The following NFIA variants were observed in gnomAD, a reference collection of about 807,000 sequenced individuals.
The protein encoded by NFIA is nuclear factor 1 A-type.
Under a neutral mutation model 62.8 loss-of-function variants are expected in NFIA, and 8 were observed. The observed-to-expected ratio is 0.13, with a 90% CI of 0.07 to 0.23. The LOEUF is 0.23. Among genes scored for constraint, NFIA ranks in the 10% least tolerant of loss-of-function variants. The pLI, the probability that NFIA is intolerant of heterozygous loss-of-function variation, is 1.00. For missense variants in NFIA, 410 were observed against 642.1 expected, an observed-to-expected ratio of 0.64 and a Z score of 3.91; for synonymous variants, 235 against 238.1, an observed-to-expected ratio of 0.99 and a Z score of 0.12.
At chr1:61,275,128 T>C (rs1379075932) in intron 2 of NFIA, among the ~76,000 whole-genome samples, 2 of 152,202 alleles carry the variant, frequency 1.3e-5, no homozygotes, top group Non-Finnish European at 2.9e-5. Flanking sequence ...GCTGGATGCC[T>C]TCTCCAGTGT....
intron 1 of NFIA, among the ~76,000 whole-genome samples, chr1:61,084,424 T>C (rs1179080766): frequency 7.2e-6 from 1 of 139,388 alleles, no homozygotes; most frequent in Non-Finnish European, 1.5e-5. Flanking sequence ...ACTGTAAAAG[T>C]TTTTTTTTTT....
chr1:61,213,604 C>A (rs1038101180), intron 2 of NFIA, among the ~76,000 whole-genome samples: 3 of 152,136 alleles, frequency 2.0e-5, no homozygotes, highest in African/African-American at 7.2e-5. Flanking sequence ...ACTGTTTTCC[C>A]AGGATAAAAT....
At chr1:61,232,738 T>C (rs1654756151) in intron 2 of NFIA, among the ~76,000 whole-genome samples, 1 of 152,184 alleles carries the variant, frequency 6.6e-6, no homozygotes, top group Admixed American at 6.5e-5. Flanking sequence ...TTTAGTTTAG[T>C]TTTTCCTGCT....
rs529046152 is a variant in NFIA, at chr1:61,103,315, C to T, written c.559+14635C>T. 1.5e-4 allele frequency among the ~76,000 whole-genome samples: 23 copies of T among 152,246 alleles called. 1 individual carries two copies. The East Asian group carries it at 4.2e-3, about 28-fold the overall frequency. On this transcript the variant is annotated intron_variant, in intron 2 of 10. Transcript: ENST00000403491. ...GTCCTACTTGGGATGTCCTCACCCA[C>T]CTTTACTTGGCTAACATTATTTATA... is the stretch of plus-strand genomic sequence containing the variant.
chr1:61,167,872 G>A (rs539328837), intron 2 of NFIA, among the ~76,000 whole-genome samples: 1 of 152,068 alleles, frequency 6.6e-6, no homozygotes, highest in African/African-American at 2.4e-5. Flanking sequence ...GGTATGCCTG[G>A]CAAAACCCCT....
At chr1:61,307,877 G>A (rs1465356872) in intron 3 of NFIA, among the ~76,000 whole-genome samples, 5 of 152,128 alleles carry the variant, frequency 3.3e-5, no homozygotes, top group African/African-American at 9.7e-5. Flanking sequence ...AGAAAATACA[G>A]GCTGTCTTGT....
intron 6 of NFIA, among the ~76,000 whole-genome samples, chr1:61,375,538 C>T (rs547892661): frequency 6.6e-6 from 1 of 152,242 alleles, no homozygotes; most frequent in South Asian, 2.1e-4. Context: ...TAGTACTCCC[C>T]CGCGCCCTCA....
intron 10 of NFIA, among the ~76,000 whole-genome samples, chr1:61,448,365 A>T (rs80154416): frequency 4.6e-5 from 7 of 152,132 alleles, no homozygotes; most frequent in Non-Finnish European, 1.0e-4. Context: ...CGCAGCTGCT[A>T]CTTTTAACTA....
chr1:61,189,927 T>C (rs1651500993), intron 2 of NFIA, among the ~76,000 whole-genome samples: 1 of 152,206 alleles, frequency 6.6e-6, no homozygotes, highest in Non-Finnish European at 1.5e-5. Flanking sequence ...TTAGTTCACA[T>C]TTACAGTCTT....
At chr1:61,161,702 T>C (rs1649220389) in intron 2 of NFIA, among the ~76,000 whole-genome samples, 1 of 152,172 alleles carries the variant, frequency 6.6e-6, no homozygotes, top group Non-Finnish European at 1.5e-5. Flanking sequence ...GAGGAGCATG[T>C]GTTTATGTGT....
At chr1:61,289,058 C>T (rs533983609) in intron 3 of NFIA, among the ~76,000 whole-genome samples, 1 of 152,356 alleles carries the variant, frequency 6.6e-6, no homozygotes, top group Admixed American at 6.5e-5. Context: ...GTGTGAGCCA[C>T]TGCGCCTGGA....
intron 2 of NFIA, among the ~76,000 whole-genome samples, chr1:61,268,416 AC>A (rs1309231654): frequency 7.9e-6 from 1 of 126,700 alleles, no homozygotes; most frequent in Admixed American, 8.5e-5. Flanking sequence ...CCCTGCCCCC[AC>A]CCCCCGACAC....
chr1:61,172,373 A>C (rs1650029037), intron 2 of NFIA, among the ~76,000 whole-genome samples: 1 of 152,228 alleles, frequency 6.6e-6, no homozygotes, highest in Non-Finnish European at 1.5e-5. Flanking sequence ...TTTAAAATAC[A>C]AATTTAAAGC....
intron 2 of NFIA, among the ~76,000 whole-genome samples, chr1:61,118,191 C>CAAAAAAAAAAAAAAAA (rs10719154): frequency 7.6e-6 from 1 of 131,280 alleles, no homozygotes; most frequent in Non-Finnish European, 1.6e-5. Context: ...TCTCAAAGAA[C>CAAAAAAAAAAAAAAAA]AAAAAAAAAA....
chr1:61,382,709 T>G (rs1364437803), intron 6 of NFIA, among the ~76,000 whole-genome samples: 1 of 152,268 alleles, frequency 6.6e-6, no homozygotes, highest in Non-Finnish European at 1.5e-5. Flanking sequence ...AAGATTTTTT[T>G]ACTTTTCTTT....
intron 6 of NFIA, among the ~76,000 whole-genome samples, chr1:61,380,030 T>A (rs1170919389): frequency 1.3e-5 from 2 of 151,970 alleles, no homozygotes; most frequent in East Asian, 3.8e-4. Context: ...CAATTTGGAA[T>A]GACTCATATA....
intron 3 of NFIA, among the ~76,000 whole-genome samples, chr1:61,294,926 G>T (rs1659108462): frequency 6.6e-6 from 1 of 152,188 alleles, no homozygotes; most frequent in African/African-American, 2.4e-5. Context: ...CAGTACTTAA[G>T]TGTCCAGTCA....
At chr1:61,087,038 C>T (rs1302402383) in intron 1 of NFIA, among the ~76,000 whole-genome samples, 1 of 152,086 alleles carries the variant, frequency 6.6e-6, no homozygotes, top group African/African-American at 2.4e-5. Context: ...GTTAGACGTA[C>T]TCCGAAAGCT....
chr1:61,147,949 C>T (rs557434515), intron 2 of NFIA, among the ~76,000 whole-genome samples: 2 of 152,238 alleles, frequency 1.3e-5, no homozygotes, highest in Non-Finnish European at 2.9e-5. Flanking sequence ...TCTTTGTACA[C>T]CAATGCAAGT....
Sources: gnomAD v4.1 joint callset for allele counts (sites outside exome capture counted in the v4.1 genomes callset) on GRCh38, gnomAD v4.1.1 for gene constraint, MANE v1.5 for transcripts, NCBI Gene and HGNC (gene_info 2026-07-23, HGNC 2026-07-21) for gene names.